The following NFATC1 variants were observed in gnomAD, a reference collection of about 807,000 sequenced individuals.
NFATC1 encodes the protein nuclear factor of activated T-cells, cytoplasmic 1.
NFATC1 carries 22 observed loss-of-function variants against 76.0 expected under a neutral mutation model. The observed-to-expected ratio is 0.29, with a 90% CI of 0.21 to 0.41. NFATC1 has a LOEUF of 0.41. Ranked by LOEUF, NFATC1 falls within the 10% of genes least tolerant of loss-of-function variation. The probability of loss-of-function intolerance (pLI) is 1.00; values close to 1 mark genes in which losing one functional copy is unlikely to be tolerated. For synonymous variants in NFATC1, 704 were observed against 613.1 expected, an observed-to-expected ratio of 1.15 and a Z score of -2.19; for missense variants, 1,357 against 1,337.7, an observed-to-expected ratio of 1.01 and a Z score of -0.23.
intron 2 of NFATC1, among the ~76,000 whole-genome samples, chr18:79,412,232 G>T (rs2085716991): frequency 6.6e-6 from 1 of 152,252 alleles, no homozygotes; most frequent in African/African-American, 2.4e-5. Context: ...TAACGAAACA[G>T]CTTTCCCAGC....
chr18:79,511,374 G>A (rs563061524), intron 9 of NFATC1, among the ~76,000 whole-genome samples: 12 of 152,286 alleles, frequency 7.9e-5, no homozygotes, highest in Non-Finnish European at 1.5e-4. Flanking sequence ...GTCATGGTGC[G>A]TTGTCTCCGT....
chr18:79,404,625 C>T (rs990328682), intron 1 of NFATC1, among the ~76,000 whole-genome samples: 1 of 152,238 alleles, frequency 6.6e-6, no homozygotes, highest in Non-Finnish European at 1.5e-5. Context: ...GGGAATGTTC[C>T]TTAAAATGAA....
intron 4 of NFATC1, among the ~76,000 whole-genome samples, chr18:79,450,642 C>T (rs1203298530): frequency 7.2e-5 from 11 of 152,168 alleles, no homozygotes; most frequent in African/African-American, 2.2e-4. Flanking sequence ...CGACTGGACC[C>T]GCTTGGTCAG....
intron 2 of NFATC1, among the ~76,000 whole-genome samples, chr18:79,427,556 G>C (rs1236424340): frequency 2.7e-5 from 3 of 112,114 alleles, no homozygotes; most frequent in South Asian, 3.9e-4. Flanking sequence ...TGGACGGCTG[G>C]CCTCTGTGCA....
intron 8 of NFATC1, chr18:79,469,622 A>G (rs1465470799): frequency 2.0e-6 from 2 of 985,244 alleles, no homozygotes; most frequent in Non-Finnish European, 2.4e-6. Flanking sequence ...CCCCCTGCCC[A>G]GTGTCTCGGC....
Position 79,486,874 on chromosome 18 carries a change from G to T in NFATC1, c.2719G>T (p.Ala907Ser). The T allele has an allele frequency of 1.9e-6, 3 of 1,611,464 alleles. No homozygotes were observed. Among genetic ancestry groups the T allele is most frequent in the Non-Finnish European group, 2.5e-6 (3 of 1,179,344 alleles). Residue 907 changes from alanine (A) to serine (S), a missense_variant, in exon 9 of 10, where the codon GCC (alanine) becomes TCC (serine). Transcript: ENST00000427363. ...EVHEDGSPNL[A>S]PIPVTVKREP... ...GCATGAGGACGGTAGTCCTAATTTG[G>T]CCCCTATTCCTGTAACGGTCAAGCG...
chr18:79,452,586 G>A (rs1386658789), intron 6 of NFATC1, among the ~76,000 whole-genome samples: 4 of 152,224 alleles, frequency 2.6e-5, no homozygotes, highest in Non-Finnish European at 4.4e-5. Context: ...TGGCCTCGCC[G>A]GCTCCGAGCA....
intron 4 of NFATC1, 152 bp from the exon 5 acceptor site, chr18:79,450,802 A>C: frequency 1.0e-6 from 1 of 981,340 alleles, no homozygotes; most frequent in Non-Finnish European, 1.5e-6. Context: ...GCTGGCTTCA[A>C]GGTCTTGTTT....
At position 79,411,216 on chromosome 18, in the gene NFATC1, C is replaced by A; in HGVS notation, c.941C>A (p.Ala314Asp). The stretch of plus-strand genomic sequence containing the variant: ...CAGTACACCAGCTCGGCCATCGTGG[C>A]CGCCATCAACGCGCTGACCACCGAC... ...TTQYTSSAIVAAINALTTDSS... is the reference protein window; with the variant it reads ...TTQYTSSAIVDAINALTTDSS... Residue 314 changes from alanine to aspartate, a missense_variant, in exon 2 of 10, where the codon GCC (alanine) becomes GAC (aspartate). Physicochemically the swap from Ala to Asp is moderately radical, Grantham distance 126. Around this residue, in one of 3 missense-constraint regions of NFATC1, gnomAD observed 691 missense variants for 613.1 expected, o/e 1.13. Transcript: ENST00000427363. 6.2e-7 allele frequency: 1 copy of A among 1,607,308 alleles called. No individual in the cohort carries two copies. The highest frequency in any genetic ancestry group is 8.5e-7 in the Non-Finnish European group (1 of 1,179,820).
intron 2 of NFATC1, chr18:79,422,450 T>C (rs1600661969): frequency 7.0e-6 from 1 of 143,562 alleles, no homozygotes; most frequent in African/African-American, 2.6e-5. Flanking sequence ...AACTTGGGGA[T>C]GAGTGGGTGA....
intron 3 of NFATC1, among the ~76,000 whole-genome samples, chr18:79,448,019 G>A (rs910530954): frequency 1.3e-5 from 2 of 152,222 alleles, no homozygotes; most frequent in Non-Finnish European, 2.9e-5. Context: ...CCGGCCACTA[G>A]TGTCCTGGCG....
intron 2 of NFATC1, among the ~76,000 whole-genome samples, chr18:79,425,451 C>G (rs564322081): frequency 6.6e-6 from 1 of 152,202 alleles, no homozygotes; most frequent in Non-Finnish European, 1.5e-5. Context: ...GTGGCCCTGC[C>G]GAGTTCAGAG....
chr18:79,459,927 C>T (rs1242842134), intron 6 of NFATC1, among the ~76,000 whole-genome samples: 2 of 152,292 alleles, frequency 1.3e-5, no homozygotes, highest in Admixed American at 6.5e-5. Flanking sequence ...CCTCTTTCTT[C>T]CCAGCTCCTG....
chr18:79,486,842 C>T lies in NFATC1; in HGVS notation c.2687C>T (p.Pro896Leu), dbSNP rs2089515465. Residue 896 changes from proline (P) to leucine (L), a missense_variant, in exon 9 of 10, where the codon CCA becomes CTA. Physicochemically the swap from Pro to Leu is moderately conservative, Grantham distance 98. Transcript: ENST00000427363. The stretch of plus-strand genomic sequence containing the variant: ...CCGACTGCCGGGCCACGGCTGCTGC[C>T]AGAGGTGCATGAGGACGGTAGTCCT... The part of the protein sequence containing the change: ...ESPTAGPRLL[P>L]EVHEDGSPNL... The T allele has an allele frequency of 6.2e-7, 1 of 1,611,932 alleles. No homozygotes were observed. The highest frequency in any genetic ancestry group is 1.3e-5 in the African/African-American group (1 of 75,018).
intron 9 of NFATC1, among the ~76,000 whole-genome samples, chr18:79,490,413 C>A (rs2089644791): frequency 6.6e-6 from 1 of 151,582 alleles, no homozygotes; most frequent in Non-Finnish European, 1.5e-5. Flanking sequence ...GGTGCAGGCC[C>A]GGCTCTGGGT....
At chr18:79,526,968 G>A (rs547958289) in intron 9 of NFATC1, among the ~76,000 whole-genome samples, 131 of 152,348 alleles carry the variant, frequency 8.6e-4, no homozygotes, top group African/African-American at 3.0e-3. Context: ...CCATCAGGGC[G>A]GCCACAGCAG....
chr18:79,396,199 C>A lies in NFATC1; in HGVS notation c.-26C>A, dbSNP rs928754986. 5.5e-6 allele frequency: 8 copies of A among 1,465,726 alleles called. No homozygotes were observed. In the African/African-American group the frequency reaches 1.2e-4, roughly 22 times the overall value. 90.8% of individuals were successfully genotyped at this position (1,465,726 alleles called of 1,614,324 possible). A position where few individuals can be genotyped will look rare whatever the true frequency, so the allele number is the denominator to read the frequency against. On this transcript the variant is annotated 5_prime_UTR_variant, in exon 1 of 10. Coordinates refer to ENST00000427363, the MANE Select transcript of NFATC1 (RefSeq NM_001278669.2). ...GCTTCTCCTGTGCCTCCGCCCGCCGCTCCACTCCCCGCCGCCGCCGCGCGG... is the reference window on the plus strand; with the variant it reads ...GCTTCTCCTGTGCCTCCGCCCGCCGATCCACTCCCCGCCGCCGCCGCGCGG...
intron 9 of NFATC1, among the ~76,000 whole-genome samples, chr18:79,510,134 C>T (rs551792177): frequency 6.6e-6 from 1 of 152,330 alleles, no homozygotes; most frequent in East Asian, 1.9e-4. Context: ...TCATAGCCCC[C>T]CCCAAGGAGG....
At chr18:79,509,490 G>A (rs904731615) in intron 9 of NFATC1, among the ~76,000 whole-genome samples, 12 of 152,236 alleles carry the variant, frequency 7.9e-5, no homozygotes, top group African/African-American at 1.9e-4. Context: ...ATGCCGGCCC[G>A]GTGATGTTTC....
Sources: gnomAD v4.1 joint callset for allele counts (sites outside exome capture counted in the v4.1 genomes callset) on GRCh38, gnomAD v4.1.1 for gene constraint, gnomAD v4.1.1 regional missense constraint, MANE v1.5 for transcripts, NCBI Gene and HGNC (gene_info 2026-07-23, HGNC 2026-07-21) for gene names.